DTNB: variants seen among roughly 807,000 people sequenced by gnomAD.
The protein encoded by DTNB is DTN-B.
Under a neutral mutation model 90.7 loss-of-function variants are expected in DTNB, and 63 were observed. The observed-to-expected ratio is 0.69, with a 90% CI of 0.57 to 0.86. The LOEUF (loss-of-function observed/expected upper bound fraction) is 0.86. DTNB is among the 40% of genes least tolerant of loss of function. DTNB has a pLI of 0.00. For synonymous variants in DTNB, 277 were observed against 286.7 expected (o/e 0.97, Z 0.34); for missense variants, 744 against 807.1 (o/e 0.92, Z 0.95).
intron 12 of DTNB, among the ~76,000 whole-genome samples, chr2:25,450,808 A>AT (rs1029168907): frequency 7.9e-5 from 12 of 151,970 alleles, no homozygotes; most frequent in African/African-American, 2.7e-4. Context: ...AGTAAATAGT[A>AT]TTTTTCTTTT....
chr2:25,508,501 T>G lies in DTNB; in HGVS notation c.1001+22972A>C, dbSNP rs149310527. On this transcript the variant is annotated intron_variant, in intron 9 of 20. Transcript: ENST00000406818. ...AGGGCTTTTAACATTTCTTTTTTGTTTGTTTTTTTTTTTTTGAGATGGAGT... is the reference window on the plus strand; with the variant it reads ...AGGGCTTTTAACATTTCTTTTTTGTGTGTTTTTTTTTTTTTGAGATGGAGT... Among the ~76,000 whole-genome samples, 26 of 151,128 alleles carry G rather than the reference T, an allele frequency of 1.7e-4. No individual in the cohort carries two copies. The East Asian group carries it at 5.0e-3, about 29-fold the overall frequency.
intron 8 of DTNB, among the ~76,000 whole-genome samples, chr2:25,539,805 A>C (rs780395231): frequency 6.6e-6 from 1 of 151,958 alleles, no homozygotes; most frequent in East Asian, 1.9e-4. Flanking sequence ...TGAGGCCATA[A>C]GGTATACTTC....
At chr2:25,559,054 T>A (rs978753098) in intron 8 of DTNB, among the ~76,000 whole-genome samples, 2 of 152,112 alleles carry the variant, frequency 1.3e-5, no homozygotes, top group African/African-American at 2.4e-5. Flanking sequence ...AACTAACACA[T>A]TGCCACAGTG....
At chr2:25,609,409 A>AC (rs1038250846) in intron 4 of DTNB, among the ~76,000 whole-genome samples, 7 of 151,732 alleles carry the variant, frequency 4.6e-5, no homozygotes, top group Admixed American at 1.3e-4. Context: ...GACCAGCCTG[A>AC]CCAACATGAA....
chr2:25,620,535 A>G (rs543115256), intron 4 of DTNB, among the ~76,000 whole-genome samples: 1 of 152,162 alleles, frequency 6.6e-6, no homozygotes, highest in South Asian at 2.1e-4. Flanking sequence ...AAGAATAAAC[A>G]AAAAAAATTT....
Position 25,387,255 on chromosome 2 carries a change from G to A in DTNB, c.1825+34C>T. 2 of 1,595,398 alleles carry A rather than the reference G, an allele frequency of 1.3e-6. No individual in the cohort carries two copies. The highest frequency in any genetic ancestry group is 1.1e-5 in the South Asian group (1 of 90,154). ...AGAAGGGCGCGGGCAAGGCAGGGGAGGCCAGGAAGCTGGCTGGGAGCTCTG... is the reference window on the plus strand; with the variant it reads ...AGAAGGGCGCGGGCAAGGCAGGGGAAGCCAGGAAGCTGGCTGGGAGCTCTG... On this transcript the variant is annotated intron_variant, in intron 18 of 20. Transcript: ENST00000406818. The surrounding 1 kb of genome is among the most constrained non-coding windows in gnomAD (Gnocchi z 4.5).
chr2:25,418,296 T>C (rs576503526), intron 16 of DTNB, among the ~76,000 whole-genome samples: 1 of 152,214 alleles, frequency 6.6e-6, no homozygotes, highest in Non-Finnish European at 1.5e-5. Flanking sequence ...TGATCTCTTC[T>C]TTCCTTTCCT....
chr2:25,519,481 A>G (rs974707284), intron 9 of DTNB, among the ~76,000 whole-genome samples: 4 of 152,032 alleles, frequency 2.6e-5, no homozygotes, highest in African/African-American at 9.7e-5. Flanking sequence ...AAGACAATTA[A>G]TATCAGATGA....
chr2:25,447,499 C>CTT lies in DTNB; in HGVS notation c.1257+4047_1257+4048dup, dbSNP rs34508984. On this transcript the variant is annotated intron_variant, in intron 12 of 20. Transcript: ENST00000406818. ...TTTCTGTGTGCTGGCAGCTAGTTAT[C>CTT]TTTTTTTTTTTTTTTTTTTTTTGAG... Among the ~76,000 whole-genome samples, 653 of 115,920 alleles carry CTT rather than the reference C, an allele frequency of 5.6e-3. 3 individuals are homozygous for CTT. The highest frequency in any genetic ancestry group is 0.01 in the Middle Eastern group (2 of 200). 76.0% of individuals were successfully genotyped at this position (115,920 alleles called of 152,430 possible). A position where few individuals can be genotyped will look rare whatever the true frequency, so the allele number is the denominator to read the frequency against.
rs36101268 is a variant in DTNB at position 25,509,746 on chromosome 2, C to CTTT, written c.1001+21724_1001+21726dup. 4.6e-3 allele frequency among the ~76,000 whole-genome samples: 384 copies of CTTT among 83,730 alleles called. 1 individual carries two copies. Among genetic ancestry groups the CTTT allele is most frequent in the African/African-American group, 6.3e-3 (130 of 20,648 alleles). The allele number at this position is 83,730 out of a possible 152,430, so 54.9% of individuals were successfully genotyped here. A position where few individuals can be genotyped will look rare whatever the true frequency, so the allele number is the denominator to read the frequency against. ...GTAGGTATGAATTTTCTTTTAGATT[C>CTTT]TTTTTTTTTTTTTTTTTTTTTGAGA... On this transcript the variant is annotated intron_variant, in intron 9 of 20. Transcript: ENST00000406818.
chr2:25,416,397 C>G (rs1443511647), intron 16 of DTNB, among the ~76,000 whole-genome samples: 2 of 152,156 alleles, frequency 1.3e-5, no homozygotes, highest in Admixed American at 6.5e-5. Flanking sequence ...TTTGGCCGGG[C>G]GTGATGGCTC....
intron 11 of DTNB, among the ~76,000 whole-genome samples, chr2:25,453,353 T>A (rs1462996150): frequency 1.3e-5 from 2 of 152,246 alleles, no homozygotes; most frequent in Non-Finnish European, 2.9e-5. Context: ...AGGATCCTTA[T>A]TCTTCTGTTT....
At chr2:25,561,113 T>C (rs182034202) in intron 8 of DTNB, among the ~76,000 whole-genome samples, 2 of 152,300 alleles carry the variant, frequency 1.3e-5, no homozygotes. Flanking sequence ...CCTAGAAAAA[T>C]ACTTCAACCC....
chr2:25,564,488 C>T (rs571699738), intron 8 of DTNB, among the ~76,000 whole-genome samples: 14 of 152,262 alleles, frequency 9.2e-5, no homozygotes, highest in South Asian at 2.1e-4. Flanking sequence ...TCAAGCAGTT[C>T]TCCTGCCTCA....
At chr2:25,553,680 C>T (rs1044919664) in intron 8 of DTNB, among the ~76,000 whole-genome samples, 1 of 140,244 alleles carries the variant, frequency 7.1e-6, no homozygotes, top group Non-Finnish European at 1.5e-5. Context: ...GCGGAGGTTG[C>T]AGTGAGCTGA....
intron 10 of DTNB, among the ~76,000 whole-genome samples, chr2:25,469,043 A>G (rs2150281398): frequency 6.6e-6 from 1 of 152,332 alleles, no homozygotes; most frequent in Admixed American, 6.5e-5. Context: ...TGATAAACAA[A>G]TGTAGCTCCA....
At chr2:25,496,907 G>A (rs2069029428) in intron 9 of DTNB, among the ~76,000 whole-genome samples, 1 of 151,270 alleles carries the variant, frequency 6.6e-6, no homozygotes. Context: ...GGAAGTTCTA[G>A]GGGCTCTAGC....
chr2:25,526,395 A>ATATATATATTTTTTT lies in DTNB; in HGVS notation c.1001+5077_1001+5078insAAAAAAATATATATA. Among the ~76,000 whole-genome samples the ATATATATATTTTTTT allele has an allele frequency of 3.0e-4, 15 of 49,820 alleles. No homozygotes were observed. In the East Asian group the frequency reaches 6.1e-3, roughly 20 times the overall value. The allele number at this position is 49,820 out of a possible 152,430, so 32.7% of individuals were successfully genotyped here. On this transcript the variant is annotated intron_variant, in intron 9 of 20. Transcript: ENST00000406818. ...TATATATATATATATATATATATAT[A>ATATATATATTTTTTT]TTTTTTTTTTTTTAATTGAGACAGA...
chr2:25,536,990 C>A (rs1220186470), intron 8 of DTNB, among the ~76,000 whole-genome samples: 1 of 152,138 alleles, frequency 6.6e-6, no homozygotes, highest in Non-Finnish European at 1.5e-5. Flanking sequence ...AACCACCTGC[C>A]TCAGCCTCCC....
Sources: allele counts gnomAD v4.1 joint callset (sites outside exome capture counted in the v4.1 genomes callset), GRCh38; gene constraint gnomAD v4.1.1; non-coding constraint Gnocchi (gnomAD v3.1); transcripts MANE v1.5; gene names NCBI Gene and HGNC (gene_info 2026-07-23, HGNC 2026-07-21).